UTP20: variants seen among roughly 807,000 people sequenced by gnomAD.
The protein encoded by UTP20 is small subunit processome component 20 homolog.
Under a neutral mutation model 329.5 loss-of-function variants are expected in UTP20, and 164 were observed. The ratio of observed to expected loss-of-function variants is 0.50; its 90% CI spans 0.44 to 0.57. UTP20 has a LOEUF of 0.57. Ranked by LOEUF, UTP20 falls within the 20% of genes least tolerant of loss-of-function variation. UTP20 has a pLI of 0.00. For synonymous variants in UTP20, 1,151 were observed against 1,159.3 expected, an observed-to-expected ratio of 0.99 and a Z score of 0.14; for missense variants, 3,055 against 3,284.2, an observed-to-expected ratio of 0.93 and a Z score of 1.71.
Position 101,320,881 on chromosome 12 carries a change from A to G in UTP20, c.2859A>G (p.Gln953=). ...QLLLHQDQMV[Q]KITLDCIMTY... is the part of the protein sequence containing the mutation. The stretch of plus-strand genomic sequence containing the variant: ...TGCTACACCAAGATCAAATGGTGCA[A>G]AAAATAACCTTGGATTGCATAATGA... The change falls in exon 24 of 62, where the codon CAA becomes CAG. Residue 953 remains glutamine, a synonymous_variant. Coordinates refer to ENST00000261637, the MANE Select transcript of UTP20 (RefSeq NM_014503.3). 6.2e-7 allele frequency: 1 copy of G among 1,611,858 alleles called. No homozygotes were observed. The highest frequency in any genetic ancestry group is 8.5e-7 in the Non-Finnish European group (1 of 1,179,600).
At chr12:101,300,817 A>G (rs910615473) in intron 14 of UTP20, among the ~76,000 whole-genome samples, 1 of 152,220 alleles carries the variant, frequency 6.6e-6, no homozygotes, top group African/African-American at 2.4e-5. Context: ...GACTCGCCGC[A>G]TGTCAAGTGC....
chr12:101,317,577 C>A lies in UTP20; in HGVS notation c.2652C>A (p.Ala884=), dbSNP rs758804530. The change falls in exon 22 of 62, where the codon GCC becomes GCA. Residue 884 remains alanine (A), a synonymous_variant. Coordinates refer to ENST00000261637, the MANE Select transcript of UTP20 (RefSeq NM_014503.3). ...MVAEEIEEEP[A]AGDDEELEEE... ...CAGAGGAAATCGAAGAGGAACCTGC[C>A]GCAGGAGATGATGAAGAGTTGGAGG... 6.2e-7 allele frequency: 1 copy of A among 1,613,796 alleles called. No homozygotes were observed. The highest frequency in any genetic ancestry group is 1.3e-5 in the African/African-American group (1 of 74,828).
Position 101,334,449 on chromosome 12 carries a change from C to T in UTP20, c.3586C>T (p.Gln1196Ter). ...PQISRLGSES[Q>*]YSPTPLLKLI... ...GATCAGCAGGCTTGGATCTGAGAGTCAATATTCTCCTACTCCTCTGCTGAA... is the reference window on the plus strand; with the variant it reads ...GATCAGCAGGCTTGGATCTGAGAGTTAATATTCTCCTACTCCTCTGCTGAA... The change falls in exon 29 of 62, where the codon CAA becomes TAA. Residue 1196 changes from glutamine to a stop codon, truncating the protein, a stop_gained. Coordinates refer to ENST00000261637, the MANE Select transcript of UTP20 (RefSeq NM_014503.3). LOFTEE classifies it high-confidence loss of function. 6.2e-7 allele frequency: 1 copy of T among 1,612,086 alleles called. No homozygotes were observed. The highest frequency in any genetic ancestry group is 8.5e-7 in the Non-Finnish European group (1 of 1,179,828).
At chr12:101,290,368 T>A in intron 7 of UTP20, 94 bp downstream of exon 7, 1 of 1,408,554 alleles carries the variant, frequency 7.1e-7, no homozygotes, top group Non-Finnish European at 9.5e-7. Context: ...GAAGACAGCC[T>A]AGAGTACATA....
Position 101,379,360 on chromosome 12 carries a change from G to A in UTP20, c.7397-11G>A. On this transcript the variant is annotated splice_polypyrimidine_tract_variant and intron_variant, in intron 56 of 61. Coordinates refer to ENST00000261637, the MANE Select transcript of UTP20 (RefSeq NM_014503.3). ...CATGTGACATCCACAAATGCTTTTT[G>A]GTTCCCTTAGGTCATGTGCATTCTC... 6.4e-7 allele frequency: 1 copy of A among 1,565,814 alleles called. No homozygotes were observed. The highest frequency in any genetic ancestry group is 1.2e-5 in the South Asian group (1 of 84,764).
At chr12:101,280,988 A>G in intron 1 of UTP20, 128 bp from the exon 2 acceptor site, 2 of 719,800 alleles carry the variant, frequency 2.8e-6, no homozygotes, top group South Asian at 2.3e-5. Context: ...TTACGGCCGT[A>G]TGTTTTTCAG....
intron 56 of UTP20, 70 bp from the exon 57 acceptor site, chr12:101,379,301 T>A: frequency 7.2e-7 from 1 of 1,383,452 alleles, no homozygotes; most frequent in Non-Finnish European, 9.8e-7. Flanking sequence ...TGTAAATGCT[T>A]AACTTAGTCA....
intron 25 of UTP20, chr12:101,326,860 A>T (rs111273733): frequency 0.022 from 7,414 of 341,304 alleles, 99 homozygotes; most frequent in Middle Eastern, 0.031. Flanking sequence ...GGTAGCTGGG[A>T]CTACAGGCAC....
At chr12:101,368,684 A>G (rs1166604508) in intron 48 of UTP20, among the ~76,000 whole-genome samples, 6 of 152,098 alleles carry the variant, frequency 3.9e-5, no homozygotes, top group Non-Finnish European at 7.4e-5. Flanking sequence ...TCCCAAGAAC[A>G]TTATTTCTGA....
chr12:101,299,753 T>C lies in UTP20; in HGVS notation c.1502T>C (p.Leu501Ser). ...NEQFPVLDHL[L>S]SIIKLPPNKD... ...CAGTTTCCAGTATTGGACCATCTTTTATCTATAATTAAGTTACCCCCAAAT... is the reference window on the plus strand; with the variant it reads ...CAGTTTCCAGTATTGGACCATCTTTCATCTATAATTAAGTTACCCCCAAAT... Residue 501 changes from leucine (L) to serine (S), a missense_variant, in exon 13 of 62, where the codon TTA becomes TCA. Physicochemically the swap from Leu to Ser is moderately radical, Grantham distance 145. This residue lies in a region of UTP20 where 2,445 missense variants were observed against 2,575.5 expected (regional missense o/e 0.95). Transcript: ENST00000261637. The C allele has an allele frequency of 6.2e-7, 1 of 1,613,450 alleles. No individual in the cohort carries two copies. The highest frequency in any genetic ancestry group is 8.5e-7 in the Non-Finnish European group (1 of 1,179,752).
chr12:101,344,243 C>T (rs183582289), intron 35 of UTP20, among the ~76,000 whole-genome samples: 9 of 152,308 alleles, frequency 5.9e-5, no homozygotes, highest in Admixed American at 3.9e-4. Context: ...CTGGAGCAGC[C>T]AATTCTGTCA....
At chr12:101,337,214 C>T (rs961301191) in intron 29 of UTP20, among the ~76,000 whole-genome samples, 6 of 152,188 alleles carry the variant, frequency 3.9e-5, no homozygotes, top group Admixed American at 1.3e-4. Flanking sequence ...GTACCATGCA[C>T]AGTATTTGCT....
chr12:101,317,271 T>A (rs774144110), intron 21 of UTP20, among the ~76,000 whole-genome samples: 7 of 152,242 alleles, frequency 4.6e-5, no homozygotes, highest in Non-Finnish European at 1.0e-4. Flanking sequence ...GGCTATCTTC[T>A]ACAGTTAGTG....
At chr12:101,291,915 G>A (rs1222518534) in intron 9 of UTP20, 27 bp downstream of exon 9, 2 of 1,607,598 alleles carry the variant, frequency 1.2e-6, no homozygotes, top group Non-Finnish European at 1.7e-6. Flanking sequence ...ATATGCTCGA[G>A]AGTCTGGTTT....
chr12:101,366,497 A>T, intron 46 of UTP20, 61 bp from the exon 47 acceptor site: 1 of 1,552,548 alleles, frequency 6.4e-7, no homozygotes, highest in Non-Finnish European at 8.7e-7. Context: ...GGGCCACTCT[A>T]ACTTCTTGGA....
At chr12:101,358,882 T>G (rs772937403) in intron 43 of UTP20, among the ~76,000 whole-genome samples, 1 of 152,180 alleles carries the variant, frequency 6.6e-6, no homozygotes, top group Non-Finnish European at 1.5e-5. Flanking sequence ...TTATTCAATT[T>G]GTTGTCCCCC....
intron 49 of UTP20, 152 bp downstream of exon 49, chr12:101,370,043 G>T: frequency 6.7e-6 from 4 of 600,836 alleles, no homozygotes; most frequent in Admixed American, 3.2e-5. Context: ...ACGAGACCCC[G>T]TGTCTACATA....
In UTP20 at chr12:101,338,765, G is replaced by T. The variant is rs563716324; in HGVS notation, c.3869-48G>T. The stretch of plus-strand genomic sequence containing the variant: ...CATCATGAAGATTTTGTACAATTAT[G>T]CCTTAAGAGAGTTTATTAAAATCAA... On this transcript the variant is annotated intron_variant, in intron 30 of 61. Coordinates refer to ENST00000261637, the MANE Select transcript of UTP20 (RefSeq NM_014503.3). 19 of 1,489,498 alleles carry T rather than the reference G, an allele frequency of 1.3e-5. No homozygotes were observed. The African/African-American group carries it at 2.7e-4, about 21-fold the overall frequency. The allele number at this position is 1,489,498 out of a possible 1,614,324, so 92.3% of individuals were successfully genotyped here.
chr12:101,375,579 T>C lies in UTP20; in HGVS notation c.7264-45T>C, dbSNP rs572925788. 17 of 1,602,508 alleles carry C rather than the reference T, an allele frequency of 1.1e-5. No individual in the cohort carries two copies. In the East Asian group the frequency reaches 1.3e-4, roughly 13 times the overall value. On this transcript the variant is annotated intron_variant, in intron 55 of 61. Transcript: ENST00000261637. Reference sequence around the variant, plus strand: ...TGGAGTAAAATTGTCCATCAGATACTTTCAGATTGTTGTTTTCATTGATTT... The same window carrying C: ...TGGAGTAAAATTGTCCATCAGATACCTTCAGATTGTTGTTTTCATTGATTT...
Sources: allele counts gnomAD v4.1 joint callset (sites outside exome capture counted in the v4.1 genomes callset), GRCh38; gene constraint gnomAD v4.1.1; regional missense constraint gnomAD v4.1.1; transcripts MANE v1.5; gene names NCBI Gene and HGNC (gene_info 2026-07-23, HGNC 2026-07-21).